The following CALD1 variants were observed in gnomAD, a reference collection of about 807,000 sequenced individuals.
CALD1 encodes the protein caldesmon.
A neutral mutation model predicts 99.9 loss-of-function variants in CALD1; 33 were observed. The ratio of observed to expected loss-of-function variants is 0.33; its 90% confidence interval spans 0.25 to 0.44. The LOEUF (loss-of-function observed/expected upper bound fraction) is 0.44, where lower values mean the gene tolerates loss of function less well. Among genes scored for constraint, CALD1 ranks in the 20% least tolerant of loss-of-function variants. The probability of loss-of-function intolerance (pLI) is 1.00; values close to 1 mark genes in which losing one functional copy is unlikely to be tolerated. For synonymous variants in CALD1, 310 were observed against 325.0 expected, an observed-to-expected ratio of 0.95 and a Z score of 0.50; for missense variants, 861 against 962.1, an observed-to-expected ratio of 0.89 and a Z score of 1.39.
chr7:134,959,489 T>C (rs1044383967), intron 11 of CALD1, among the ~76,000 whole-genome samples: 2 of 152,076 alleles, frequency 1.3e-5, no homozygotes, highest in East Asian at 1.9e-4. Flanking sequence ...CTGGGCAACA[T>C]AGGGACTATG....
At chr7:134,854,061 A>G (rs936654982) in intron 2 of CALD1, among the ~76,000 whole-genome samples, 2 of 152,182 alleles carry the variant, frequency 1.3e-5, no homozygotes, top group Non-Finnish European at 2.9e-5. Context: ...TTATGGTTGC[A>G]TAGTATTCCA....
intron 4 of CALD1, among the ~76,000 whole-genome samples, chr7:134,929,621 C>CACATACAT: frequency 1.2e-3 from 5 of 4,252 alleles, no homozygotes; most frequent in African/African-American, 7.4e-3. Flanking sequence ...TGTATATATA[C>CACATACAT]GTGTGTGTGT....
intron 2 of CALD1, among the ~76,000 whole-genome samples, chr7:134,847,114 G>C (rs1465419906): frequency 6.6e-6 from 1 of 152,188 alleles, no homozygotes; most frequent in African/African-American, 2.4e-5. Flanking sequence ...GCTTTGAGTT[G>C]TAAGCACTTC....
At chr7:134,736,917 A>G in the CALD1 span, among the ~76,000 whole-genome samples, 8 of 151,452 alleles carry the variant, frequency 5.3e-5, no homozygotes, top group Non-Finnish European at 7.4e-5. Context: ...AAATTTTTCA[A>G]CCCTTTATTT....
At chr7:134,920,502 G>A in intron 3 of CALD1, 6 of 1,120,722 alleles carry the variant, frequency 5.4e-6, no homozygotes, top group South Asian at 2.1e-5. Flanking sequence ...GTGAGCCCCA[G>A]GCATTCTTCT....
At chr7:134,889,526 G>T (rs1219406773) in intron 3 of CALD1, among the ~76,000 whole-genome samples, 1 of 152,144 alleles carries the variant, frequency 6.6e-6, no homozygotes, top group East Asian at 1.9e-4. Context: ...ATGTTCTCAG[G>T]TTCTGGAGAT....
intron 3 of CALD1, among the ~76,000 whole-genome samples, chr7:134,888,181 A>G (rs35167849): frequency 6.6e-6 from 1 of 152,184 alleles, no homozygotes; most frequent in Non-Finnish European, 1.5e-5. Flanking sequence ...GAAAAATTAA[A>G]CAATAAAGTG....
chr7:134,842,676 T>C (rs1799697788), intron 1 of CALD1, among the ~76,000 whole-genome samples: 1 of 152,250 alleles, frequency 6.6e-6, no homozygotes, highest in African/African-American at 2.4e-5. Context: ...TTAGTATCCA[T>C]TTGGAAAATG....
At chr7:134,959,924 T>C in intron 11 of CALD1, 50 bp from the exon 12 acceptor site, 1 of 1,584,198 alleles carries the variant, frequency 6.3e-7, no homozygotes, top group Non-Finnish European at 8.6e-7. Context: ...TATAATTTTA[T>C]GAGAACAAAC....
intron 9 of CALD1, among the ~76,000 whole-genome samples, chr7:134,957,168 T>C (rs1584672873): frequency 6.6e-6 from 1 of 152,270 alleles, no homozygotes; most frequent in East Asian, 1.9e-4. Context: ...GTATCCCGCC[T>C]TTTACGTTCC....
the CALD1 span, among the ~76,000 whole-genome samples, chr7:134,730,203 GCCTCCCTC>G: frequency 6.1e-5 from 9 of 148,490 alleles, no homozygotes; most frequent in Non-Finnish European, 1.2e-4. Flanking sequence ...CTCCCTCCCT[GCCTCCCTC>G]CCTCCCTCCC....
chr7:134,822,658 C>T (rs1233102712), intron 1 of CALD1, among the ~76,000 whole-genome samples: 1 of 152,100 alleles, frequency 6.6e-6, no homozygotes. Context: ...GGCATTGATA[C>T]TTCCTTGTAT....
intron 13 of CALD1, among the ~76,000 whole-genome samples, chr7:134,963,728 T>C (rs1229274792): frequency 1.3e-5 from 2 of 152,192 alleles, no homozygotes; most frequent in African/African-American, 4.8e-5. Flanking sequence ...ATTTTAGTGT[T>C]TCCATCCCAA....
Position 134,925,363 on chromosome 7 carries a change from T to C in CALD1, c.72-3391T>C, listed in dbSNP as rs191819364. On this transcript the variant is annotated intron_variant, in intron 3 of 14. Coordinates refer to ENST00000361675, the MANE Select transcript of CALD1 (RefSeq NM_033138.4). Reference sequence around the variant, plus strand: ...AGAGAAAGATGGTAAGTTCTGAAAATAGTGGGAAATTAAGGACTTAAGGTT... The same window carrying C: ...AGAGAAAGATGGTAAGTTCTGAAAACAGTGGGAAATTAAGGACTTAAGGTT... 2.2e-3 allele frequency among the ~76,000 whole-genome samples: 333 copies of C among 152,104 alleles called. 1 individual carries two copies. The highest frequency in any genetic ancestry group is 3.4e-3 in the Middle Eastern group (1 of 294).
intron 3 of CALD1, among the ~76,000 whole-genome samples, chr7:134,870,022 G>A (rs1373123524): frequency 6.6e-6 from 1 of 152,112 alleles, no homozygotes; most frequent in South Asian, 2.1e-4. Context: ...CCAATGCTGT[G>A]TTATTTCACC....
rs1309514629 is a variant in CALD1 at position 134,933,578 on chromosome 7, C to A, written c.809C>A (p.Ala270Glu). The A allele has an allele frequency of 6.2e-7, 1 of 1,613,002 alleles. No homozygotes were observed. The highest frequency in any genetic ancestry group is 1.3e-5 in the African/African-American group (1 of 74,780). Reference protein sequence around the residue: ...EDKERAEAERARLEAEERERI... With the variant: ...EDKERAEAERERLEAEERERI... ...AAGGAAAGAGCTGAGGCAGAGAGGG[C>A]AAGGTTGGAAGCAGAAGAAAGAGAA... The change falls in exon 5 of 15, where the codon GCA becomes GAA. Residue 270 changes from alanine (A) to glutamate (E), a missense_variant. Transcript: ENST00000361675.
chr7:134,720,863 G>A, the CALD1 span, among the ~76,000 whole-genome samples: 1 of 152,182 alleles, frequency 6.6e-6, no homozygotes, highest in African/African-American at 2.4e-5. Context: ...TCATGGGCTT[G>A]TACAGTGTGT....
At chr7:134,870,727 CCTCTCT>C (rs139103344) in intron 3 of CALD1, among the ~76,000 whole-genome samples, 2 of 148,418 alleles carry the variant, frequency 1.3e-5, no homozygotes, top group Non-Finnish European at 3.0e-5. Context: ...TTCCTTCCTT[CCTCTCT>C]CTCTCTCTCT....
intron 9 of CALD1, 55 bp downstream of exon 9, chr7:134,950,569 C>A: frequency 6.9e-7 from 1 of 1,446,894 alleles, no homozygotes; most frequent in Non-Finnish European, 9.6e-7. Context: ...TGGATTTTAG[C>A]CCCTTGTTTA....
Sources: allele counts gnomAD v4.1 joint callset (sites outside exome capture counted in the v4.1 genomes callset), GRCh38; gene constraint gnomAD v4.1.1; transcripts MANE v1.5; gene names NCBI Gene and HGNC (gene_info 2026-07-23, HGNC 2026-07-21).